LDB2: variants seen among roughly 807,000 people sequenced by gnomAD.
LDB2 encodes LIM domain binding 2.
LDB2 carries 12 observed loss-of-function variants against 44.3 expected under a neutral mutation model. The observed-to-expected ratio is 0.27, with a 90% confidence interval of 0.17 to 0.44. The LOEUF is 0.44. Among genes scored for constraint, LDB2 ranks in the 20% least tolerant of loss-of-function variants. The pLI, the probability that LDB2 is intolerant of heterozygous loss-of-function variation, is 1.00. For missense variants in LDB2, 344 were observed against 473.5 expected (o/e 0.73, Z 2.54); for synonymous variants, 164 against 174.8 (o/e 0.94, Z 0.49).
At chr4:16,601,793 T>G (rs543827094) in intron 2 of LDB2, among the ~76,000 whole-genome samples, 1 of 152,176 alleles carries the variant, frequency 6.6e-6, no homozygotes, top group Non-Finnish European at 1.5e-5. Flanking sequence ...TTTAAACTTA[T>G]CTGTATTCAG....
At chr4:16,758,729 A>G (rs1490962023) in intron 2 of LDB2, among the ~76,000 whole-genome samples, 1 of 152,240 alleles carries the variant, frequency 6.6e-6, no homozygotes, top group African/African-American at 2.4e-5. Context: ...AATACCTGAG[A>G]TAATTGATAA....
intron 5 of LDB2, among the ~76,000 whole-genome samples, chr4:16,516,072 GTC>G (rs1432439598): frequency 6.6e-6 from 1 of 151,502 alleles, no homozygotes; most frequent in Non-Finnish European, 1.5e-5. Flanking sequence ...TTCACCGTGT[GTC>G]CAGGATGGTC....
chr4:16,746,742 G>T (rs373119711), intron 2 of LDB2, among the ~76,000 whole-genome samples: 1 of 152,196 alleles, frequency 6.6e-6, no homozygotes, highest in Non-Finnish European at 1.5e-5. Context: ...AGTCTAGATT[G>T]TGCCACTGCA....
At chr4:16,856,921 A>G (rs2110226384) in intron 1 of LDB2, among the ~76,000 whole-genome samples, 1 of 152,386 alleles carries the variant, frequency 6.6e-6, no homozygotes, top group South Asian at 2.1e-4. Flanking sequence ...GTTCAGAGAC[A>G]TTAAATATTA....
At chr4:16,639,531 G>A (rs1734568571) in intron 2 of LDB2, among the ~76,000 whole-genome samples, 1 of 152,120 alleles carries the variant, frequency 6.6e-6, no homozygotes, top group South Asian at 2.1e-4. Context: ...GCACGATCTC[G>A]GCTCACTGCA....
At chr4:16,541,889 G>GT (rs76240207) in intron 5 of LDB2, among the ~76,000 whole-genome samples, 7 of 151,818 alleles carry the variant, frequency 4.6e-5, no homozygotes, top group African/African-American at 7.3e-5. Flanking sequence ...TATTGAAAAG[G>GT]TTTTTTTTCT....
At chr4:16,872,264 T>C (rs1033899213) in intron 1 of LDB2, among the ~76,000 whole-genome samples, 3 of 152,066 alleles carry the variant, frequency 2.0e-5, no homozygotes, top group African/African-American at 7.2e-5. Flanking sequence ...CCATCATATG[T>C]CTCTATCCTG....
At position 16,750,870 on chromosome 4, in the gene LDB2, T is replaced by C. The variant is rs1356910677; in HGVS notation, c.235+8288A>G. The C allele has an allele frequency of 2.0e-5, 3 of 152,338 alleles. No individual in the cohort carries two copies. In the East Asian group the frequency reaches 5.8e-4, roughly 29 times the overall value. The allele number at this position is 152,338 out of a possible 1,614,324, so 9.4% of individuals were successfully genotyped here. A position where few individuals can be genotyped will look rare whatever the true frequency, so the allele number is the denominator to read the frequency against. Reference sequence around the variant, plus strand: ...GATAATGTGTTTCTCAATAATTTTTTATTGTGTAGAACAGTTCTCTTCTCC... The same window carrying C: ...GATAATGTGTTTCTCAATAATTTTTCATTGTGTAGAACAGTTCTCTTCTCC... On this transcript the variant is annotated intron_variant, in intron 2 of 7. Coordinates refer to ENST00000304523, the MANE Select transcript of LDB2 (RefSeq NM_001290.5).
intron 2 of LDB2, among the ~76,000 whole-genome samples, chr4:16,719,679 A>C (rs1321492109): frequency 1.3e-5 from 2 of 152,138 alleles, no homozygotes; most frequent in African/African-American, 4.8e-5. Flanking sequence ...AGCAGTGTTG[A>C]GAGGGTGCAG....
intron 1 of LDB2, among the ~76,000 whole-genome samples, chr4:16,762,045 G>T (rs922896629): frequency 6.6e-6 from 1 of 151,950 alleles, no homozygotes; most frequent in Admixed American, 6.6e-5. Context: ...TAGAAAAATT[G>T]GCCAGCCAGG....
At chr4:16,897,946 G>GTGTA (rs1725746627) in intron 1 of LDB2, among the ~76,000 whole-genome samples, 3 of 27,950 alleles carry the variant, frequency 1.1e-4, no homozygotes, top group Non-Finnish European at 1.2e-4. Context: ...ATACACATAT[G>GTGTA]TATATATATA....
At chr4:16,564,217 G>A (rs529019091) in intron 5 of LDB2, among the ~76,000 whole-genome samples, 12 of 152,096 alleles carry the variant, frequency 7.9e-5, no homozygotes, top group Non-Finnish European at 1.6e-4. Context: ...CAGGCTGGGC[G>A]CTGTGGCTCA....
intron 2 of LDB2, among the ~76,000 whole-genome samples, chr4:16,737,120 G>C (rs1762059386): frequency 6.6e-6 from 1 of 152,032 alleles, no homozygotes; most frequent in Non-Finnish European, 1.5e-5. Flanking sequence ...ATGTATTGCT[G>C]GTAGGAGTTT....
intron 1 of LDB2, among the ~76,000 whole-genome samples, chr4:16,877,609 A>G (rs917984058): frequency 6.6e-6 from 1 of 152,244 alleles, no homozygotes; most frequent in Non-Finnish European, 1.5e-5. Context: ...TACTTTCTGT[A>G]TATTCCTAGA....
At chr4:16,639,809 C>G (rs957971179) in intron 2 of LDB2, among the ~76,000 whole-genome samples, 2 of 152,192 alleles carry the variant, frequency 1.3e-5, no homozygotes, top group Non-Finnish European at 2.9e-5. Context: ...TAAATTCATT[C>G]CTTCAATAAA....
chr4:16,844,087 TAAA>T (rs71181192), intron 1 of LDB2, among the ~76,000 whole-genome samples: 10 of 117,844 alleles, frequency 8.5e-5, no homozygotes, highest in Non-Finnish European at 1.2e-4. Flanking sequence ...ACCCCATCTC[TAAA>T]AAAAAAAAAA....
chr4:16,615,393 G>A lies in LDB2; in HGVS notation c.236-19518C>T, dbSNP rs374330331. On this transcript the variant is annotated intron_variant, in intron 2 of 7. Transcript: ENST00000304523. ...ATGATAGACTGGATAAAGAAAATGC[G>A]GTACATATATACGATGGAATGCTAT... Among the ~76,000 whole-genome samples, 136 of 152,212 alleles carry A rather than the reference G, an allele frequency of 8.9e-4. 1 individual carries two copies. The highest frequency in any genetic ancestry group is 2.6e-3 in the African/African-American group (109 of 41,532).
At chr4:16,880,690 G>A (rs1164873610) in intron 1 of LDB2, among the ~76,000 whole-genome samples, 1 of 152,030 alleles carries the variant, frequency 6.6e-6, no homozygotes, top group African/African-American at 2.4e-5. Context: ...CGGATCACGA[G>A]GTCAGGAGAT....
chr4:16,704,050 A>G (rs1300456650), intron 2 of LDB2, among the ~76,000 whole-genome samples: 1 of 152,186 alleles, frequency 6.6e-6, no homozygotes, highest in Non-Finnish European at 1.5e-5. Context: ...TAAGCCAAGC[A>G]GATACTTCCT....
Sources: allele counts gnomAD v4.1 joint callset (sites outside exome capture counted in the v4.1 genomes callset), GRCh38; gene constraint gnomAD v4.1.1; transcripts MANE v1.5; gene names NCBI Gene and HGNC (gene_info 2026-07-23, HGNC 2026-07-21).